The following BEND7 variants were observed in gnomAD, a reference collection of about 807,000 sequenced individuals.
BEND7 encodes BEN domain-containing protein 7.
BEND7 carries 28 observed loss-of-function variants against 50.9 expected under a neutral mutation model. The observed-to-expected ratio is 0.55, with a 90% CI of 0.41 to 0.75. The LOEUF (loss-of-function observed/expected upper bound fraction) is 0.75. Ranked by LOEUF, BEND7 falls within the 30% of genes least tolerant of loss-of-function variation. BEND7 has a pLI of 0.00. For missense variants in BEND7, 477 were observed against 491.3 expected (o/e 0.97, Z 0.28); for synonymous variants, 170 against 183.9 (o/e 0.92, Z 0.61).
intron 2 of BEND7, among the ~76,000 whole-genome samples, chr10:13,506,741 T>G (rs1255158622): frequency 6.6e-6 from 1 of 151,390 alleles, no homozygotes; most frequent in African/African-American, 2.4e-5. Flanking sequence ...ACCAGGATTT[T>G]CAGGATGGAA....
intron 6 of BEND7, among the ~76,000 whole-genome samples, chr10:13,479,846 C>A (rs1241008540): frequency 6.6e-6 from 1 of 152,174 alleles, no homozygotes; most frequent in Non-Finnish European, 1.5e-5. Context: ...TTGGTACTTG[C>A]TAGTTCCATT....
intron 5 of BEND7, among the ~76,000 whole-genome samples, 184 bp downstream of exon 5, chr10:13,492,427 A>G (rs1387593565): frequency 6.6e-6 from 1 of 152,246 alleles, no homozygotes; most frequent in Admixed American, 6.5e-5. Context: ...TGTCTAAATA[A>G]ATAAGGCATC....
Position 13,473,858 on chromosome 10 carries a change from G to A in BEND7, c.1063+7041C>T, listed in dbSNP as rs552415450. Among the ~76,000 whole-genome samples, 57 of 150,568 alleles carry A rather than the reference G, an allele frequency of 3.8e-4. 1 individual carries two copies. In the South Asian group the frequency reaches 0.011, roughly 30 times the overall value. Reference sequence around the variant, plus strand: ...AGACTCGGGGTTGATACCCATCATCGCTGTTAGACTTGGGGTTGATACTCG... The same window carrying A: ...AGACTCGGGGTTGATACCCATCATCACTGTTAGACTTGGGGTTGATACTCG... On this transcript the variant is annotated intron_variant, in intron 6 of 8. Coordinates refer to ENST00000466271, the MANE Select transcript of BEND7 (RefSeq NM_001369863.1).
At chr10:13,489,254 C>A (rs2076474222) in intron 5 of BEND7, among the ~76,000 whole-genome samples, 1 of 152,140 alleles carries the variant, frequency 6.6e-6, no homozygotes, top group East Asian at 1.9e-4. Flanking sequence ...GACCTAAGAG[C>A]CTGCTCCCTG....
chr10:13,526,919 T>A (rs1333102899), intron 1 of BEND7, among the ~76,000 whole-genome samples: 1 of 152,174 alleles, frequency 6.6e-6, no homozygotes, highest in Non-Finnish European at 1.5e-5. Flanking sequence ...AAGTTTCAAA[T>A]ACAGTATTTT....
chr10:13,454,026 C>A (rs1020016173), intron 6 of BEND7, among the ~76,000 whole-genome samples: 5 of 152,184 alleles, frequency 3.3e-5, no homozygotes, highest in Admixed American at 6.5e-5. Flanking sequence ...GCATGGCAGA[C>A]ACATTTCAAG....
At chr10:13,516,333 C>T (rs961188463) in intron 2 of BEND7, among the ~76,000 whole-genome samples, 3 of 152,166 alleles carry the variant, frequency 2.0e-5, no homozygotes, top group South Asian at 2.1e-4. Context: ...TGTGAGTCTG[C>T]GAGGCCCGGG....
At chr10:13,508,576 G>A (rs937550204) in intron 2 of BEND7, among the ~76,000 whole-genome samples, 1 of 152,176 alleles carries the variant, frequency 6.6e-6, no homozygotes, top group African/African-American at 2.4e-5. Context: ...ATATCTCCAC[G>A]TGCTTGAGGG....
chr10:13,500,844 G>A (rs925687053), intron 2 of BEND7: 67 of 985,294 alleles, frequency 6.8e-5, no homozygotes, highest in South Asian at 3.3e-4. Flanking sequence ...CTGGAAGGGC[G>A]GAAGTGCAAC....
In BEND7 at chr10:13,528,864, G is replaced by A. The variant is rs1273852358; in HGVS notation, c.-331C>T. On this transcript the variant is annotated 5_prime_UTR_variant, in exon 1 of 9. It adds an upstream start codon to the 5' untranslated region. Transcript: ENST00000466271. The stretch of plus-strand genomic sequence containing the variant: ...GCCGCCCGCCGCAGCCCAACTTTCC[G>A]TTGGGAGCGGGCCGGGCCGGGGCGC... 1 of 143,838 alleles carries A rather than the reference G, an allele frequency of 7.0e-6. No individual in the cohort carries two copies. Among genetic ancestry groups the A allele is most frequent in the Non-Finnish European group, 1.5e-5 (1 of 64,940 alleles). The allele number at this position is 143,838 out of a possible 1,614,324, so 8.9% of individuals were successfully genotyped here. A position where few individuals can be genotyped will look rare whatever the true frequency, so the allele number is the denominator to read the frequency against.
chr10:13,478,850 A>G (rs191402846), intron 6 of BEND7, among the ~76,000 whole-genome samples: 37 of 152,286 alleles, frequency 2.4e-4, no homozygotes, highest in African/African-American at 8.2e-4. Flanking sequence ...ACAGAATTTT[A>G]ATAGATTTAA....
At chr10:13,497,345 G>A (rs1230754229) in intron 3 of BEND7, among the ~76,000 whole-genome samples, 1 of 152,212 alleles carries the variant, frequency 6.6e-6, no homozygotes, top group Admixed American at 6.5e-5. Flanking sequence ...ATTGAAAATA[G>A]TTTTGATATT....
intron 2 of BEND7, among the ~76,000 whole-genome samples, chr10:13,506,217 C>T (rs1414834693): frequency 1.3e-5 from 2 of 152,284 alleles, no homozygotes; most frequent in South Asian, 2.1e-4. Flanking sequence ...GCAGATGGCA[C>T]GCTCTGCTTC....
intron 2 of BEND7, among the ~76,000 whole-genome samples, chr10:13,507,690 T>C (rs566922155): frequency 6.6e-6 from 1 of 152,228 alleles, no homozygotes; most frequent in South Asian, 2.1e-4. Flanking sequence ...CCACAGATGA[T>C]CTTAAAGAGC....
At chr10:13,485,946 A>C (rs1372390137) in intron 5 of BEND7, among the ~76,000 whole-genome samples, 1 of 152,106 alleles carries the variant, frequency 6.6e-6, no homozygotes, top group African/African-American at 2.4e-5. Flanking sequence ...CAGTGGTGGG[A>C]TCACAGCTCA....
chr10:13,505,824 G>A (rs1416803053), intron 2 of BEND7, among the ~76,000 whole-genome samples: 2 of 152,132 alleles, frequency 1.3e-5, no homozygotes, highest in Non-Finnish European at 2.9e-5. Context: ...CACCCTGTCT[G>A]TGCCCTACAA....
chr10:13,521,964 G>C (rs547847635), intron 2 of BEND7, among the ~76,000 whole-genome samples: 1 of 152,340 alleles, frequency 6.6e-6, no homozygotes, highest in South Asian at 2.1e-4. Flanking sequence ...CTGTCATCAA[G>C]AAAGCCACTG....
chr10:13,512,221 T>A (rs930344022), intron 2 of BEND7, among the ~76,000 whole-genome samples: 1 of 152,144 alleles, frequency 6.6e-6, no homozygotes. Context: ...CCACGCCTGT[T>A]AACAGCCTCT....
chr10:13,491,074 G>C (rs565049363), intron 5 of BEND7, among the ~76,000 whole-genome samples: 11 of 152,232 alleles, frequency 7.2e-5, no homozygotes, highest in African/African-American at 2.6e-4. Flanking sequence ...AAAGTGTTGG[G>C]ATTACAGGGG....
Sources: allele counts gnomAD v4.1 joint callset (sites outside exome capture counted in the v4.1 genomes callset), GRCh38; gene constraint gnomAD v4.1.1; transcripts MANE v1.5; gene names NCBI Gene and HGNC (gene_info 2026-07-23, HGNC 2026-07-21).